SIPA1L1: variants seen among roughly 807,000 people sequenced by gnomAD.
SIPA1L1 encodes the protein signal-induced proliferation-associated 1-like protein 1.
SIPA1L1 carries 26 observed loss-of-function variants against 162.7 expected under a neutral mutation model. That is an observed-to-expected ratio of 0.16 (90% CI 0.12 to 0.22). The LOEUF (loss-of-function observed/expected upper bound fraction) is 0.22. Ranked by LOEUF, SIPA1L1 falls within the 10% of genes least tolerant of loss-of-function variation. SIPA1L1 has a pLI of 1.00. For missense variants in SIPA1L1, 1,874 were observed against 2,241.0 expected (o/e 0.84, Z 3.31); for synonymous variants, 829 against 837.4 (o/e 0.99, Z 0.17).
chr14:71,399,596 A>C (rs1249182502), intron 2 of SIPA1L1, among the ~76,000 whole-genome samples: 2 of 152,108 alleles, frequency 1.3e-5, no homozygotes, highest in Non-Finnish European at 2.9e-5. Context: ...TTTTGTAGAG[A>C]TAGGGCCTTG....
At chr14:71,611,715 C>T (rs2038240429) in intron 5 of SIPA1L1, among the ~76,000 whole-genome samples, 1 of 152,144 alleles carries the variant, frequency 6.6e-6, no homozygotes, top group Non-Finnish European at 1.5e-5. Flanking sequence ...TCATCCATGT[C>T]CCTGCAAAGG....
chr14:71,493,324 C>G (rs1420130193), intron 2 of SIPA1L1, among the ~76,000 whole-genome samples: 1 of 152,092 alleles, frequency 6.6e-6, no homozygotes, highest in Non-Finnish European at 1.5e-5. Context: ...GAATCCTGGG[C>G]TCAAGCAGTT....
chr14:71,661,235 G>C (rs2043481236), intron 9 of SIPA1L1, 75 bp from the exon 10 acceptor site: 18 of 1,479,274 alleles, frequency 1.2e-5, no homozygotes, highest in Admixed American at 5.4e-5. Context: ...TTTAAATACA[G>C]CTATATAAGG....
At chr14:71,632,847 T>G (rs1224432708) in intron 7 of SIPA1L1, among the ~76,000 whole-genome samples, 1 of 152,134 alleles carries the variant, frequency 6.6e-6, no homozygotes, top group East Asian at 1.9e-4. Context: ...AGCAGTGTCA[T>G]TTTTTCCATA....
chr14:71,446,834 T>G (rs899566387), intron 2 of SIPA1L1, among the ~76,000 whole-genome samples: 6 of 151,130 alleles, frequency 4.0e-5, no homozygotes, highest in Admixed American at 1.3e-4. Context: ...ACAAACCATA[T>G]TTGAAAATAC....
intron 17 of SIPA1L1, among the ~76,000 whole-genome samples, chr14:71,715,892 A>G (rs1008928753): frequency 6.6e-6 from 1 of 152,224 alleles, no homozygotes; most frequent in Non-Finnish European, 1.5e-5. Context: ...ATGCCCAATA[A>G]AATGATAATG....
At position 71,617,185 on chromosome 14, in the gene SIPA1L1, T is replaced by A. The variant is rs139664091; in HGVS notation, c.1499-1572T>A. 5.4e-3 allele frequency among the ~76,000 whole-genome samples: 828 copies of A among 152,348 alleles called. 8 individuals are homozygous for A. The highest frequency in any genetic ancestry group is 0.019 in the African/African-American group (780 of 41,580). On this transcript the variant is annotated intron_variant, in intron 5 of 23. Coordinates refer to ENST00000381232, the MANE Select transcript of SIPA1L1 (RefSeq NM_001386936.1). ...GTACTATTTCTGTCTCCTCCCTTTC[T>A]GTTTTCTTCCTTGTTGTCAGTTGTT...
At chr14:71,454,078 A>G (rs2046018825) in intron 2 of SIPA1L1, among the ~76,000 whole-genome samples, 1 of 151,900 alleles carries the variant, frequency 6.6e-6, no homozygotes, top group African/African-American at 2.4e-5. Flanking sequence ...TGGCCATCTT[A>G]AAATAACATG....
Position 71,379,135 on chromosome 14 carries a change from A to G in SIPA1L1, c.-465+57954A>G, listed in dbSNP as rs190253413. ...CAGCTTTCTCCAGTTTGCTAAATCA[A>G]TTCCCAGTTATGTGTTGCTTTTCTA... On this transcript the variant is annotated intron_variant, in intron 2 of 23. Transcript: ENST00000381232. 5.3e-5 allele frequency among the ~76,000 whole-genome samples: 8 copies of G among 152,140 alleles called. No individual in the cohort carries two copies. In the East Asian group the frequency reaches 1.4e-3, roughly 26 times the overall value.
At chr14:71,715,897 A>T (rs996079843) in intron 17 of SIPA1L1, among the ~76,000 whole-genome samples, 1 of 152,232 alleles carries the variant, frequency 6.6e-6, no homozygotes, top group Non-Finnish European at 1.5e-5. Flanking sequence ...CAATAAAATG[A>T]TAATGTTCAT....
At chr14:71,682,600 C>A (rs1367663804) in intron 12 of SIPA1L1, among the ~76,000 whole-genome samples, 1 of 152,196 alleles carries the variant, frequency 6.6e-6, no homozygotes, top group African/African-American at 2.4e-5. Context: ...AAGAAAGTTT[C>A]TAGTTATATG....
chr14:71,457,706 T>A (rs753112175), intron 2 of SIPA1L1, among the ~76,000 whole-genome samples: 4 of 152,164 alleles, frequency 2.6e-5, no homozygotes, highest in African/African-American at 4.8e-5. Context: ...TCAATTCTCC[T>A]GCCTTAGCCT....
At chr14:71,500,997 A>T (rs1351349981) in intron 2 of SIPA1L1, among the ~76,000 whole-genome samples, 1 of 151,558 alleles carries the variant, frequency 6.6e-6, no homozygotes, top group Admixed American at 6.6e-5. Context: ...CAAGAGCGAA[A>T]CTCCGCCTCC....
intron 11 of SIPA1L1, among the ~76,000 whole-genome samples, chr14:71,672,013 T>C (rs1200448713): frequency 6.6e-6 from 1 of 151,874 alleles, no homozygotes; most frequent in African/African-American, 2.4e-5. Flanking sequence ...CTGGTGGTGG[T>C]GTTGAAAAGA....
At chr14:71,388,473 G>T (rs527364873) in intron 2 of SIPA1L1, among the ~76,000 whole-genome samples, 2 of 152,218 alleles carry the variant, frequency 1.3e-5, no homozygotes, top group East Asian at 3.9e-4. Context: ...TCTTTTCATA[G>T]CCTGGGGAAA....
At chr14:71,401,397 C>G (rs1456622346) in intron 2 of SIPA1L1, among the ~76,000 whole-genome samples, 2 of 135,894 alleles carry the variant, frequency 1.5e-5, no homozygotes, top group Non-Finnish European at 3.2e-5. Context: ...AAAAAGGCTG[C>G]TTTTTTTTTT....
chr14:71,361,874 T>A (rs919884860), intron 2 of SIPA1L1, among the ~76,000 whole-genome samples: 2 of 152,238 alleles, frequency 1.3e-5, no homozygotes, highest in African/African-American at 4.8e-5. Context: ...TGTTTTACCA[T>A]GCTAGTATCA....
chr14:71,586,788 G>C (rs939012229), intron 4 of SIPA1L1: 1 of 152,236 alleles, frequency 6.6e-6, no homozygotes, highest in Non-Finnish European at 1.5e-5. Context: ...ATGGGGTGGA[G>C]TAGGTTGTAC....
chr14:71,703,989 G>A (rs141472728), intron 15 of SIPA1L1, among the ~76,000 whole-genome samples: 4 of 151,930 alleles, frequency 2.6e-5, no homozygotes, highest in Admixed American at 6.6e-5. Context: ...CATCTTTTTT[G>A]TAAGGTATAC....
Sources: allele counts gnomAD v4.1 joint callset (sites outside exome capture counted in the v4.1 genomes callset), GRCh38; gene constraint gnomAD v4.1.1; transcripts MANE v1.5; gene names NCBI Gene and HGNC (gene_info 2026-07-23, HGNC 2026-07-21).